KLF6: variants seen among roughly 807,000 people sequenced by gnomAD.
The protein encoded by KLF6 is KLF transcription factor 6.
For missense variants in KLF6, 233 were observed against 359.8 expected, an observed-to-expected ratio of 0.65 and a Z score of 2.85; for synonymous variants, 152 against 147.9, an observed-to-expected ratio of 1.03 and a Z score of -0.20.
Position 3,777,628 on chromosome 10 carries a change from G to T in KLF6, c.*1911C>A, listed in dbSNP as rs1417670897. 9 of 498,496 alleles carry T rather than the reference G, an allele frequency of 1.8e-5. No homozygotes were observed. The highest frequency in any genetic ancestry group is 1.2e-4 in the South Asian group (8 of 64,744). 30.9% of individuals were successfully genotyped at this position (498,496 alleles called of 1,614,324 possible). A position where few individuals can be genotyped will look rare whatever the true frequency, so the allele number is the denominator to read the frequency against. On this transcript the variant is annotated 3_prime_UTR_variant, in exon 4 of 4. Transcript: ENST00000497571. ...AATTAAAGATAAAGCCTCTATAAAA[G>T]TTAGGTTATGGTTTTCATTTTTACC...
rs1832478691 is a variant in KLF6, at chr10:3,779,682, GCCTAA to G, written c.801-97_801-93del. 4.3e-6 allele frequency: 5 copies of G among 1,159,336 alleles called. 1 individual carries two copies. The highest frequency in any genetic ancestry group is 6.4e-6 in the Non-Finnish European group (5 of 777,022). The allele number at this position is 1,159,336 out of a possible 1,614,324, so 71.8% of individuals were successfully genotyped here. On this transcript the variant is annotated intron_variant, in intron 3 of 3. Coordinates refer to ENST00000497571, the MANE Select transcript of KLF6 (RefSeq NM_001300.6). ...CGCCCTCACCTCCCTGCCCTGCCCA[GCCTAA>G]CCCCCTGCAGGGAAAGGTGGGATTC... is the stretch of plus-strand genomic sequence containing the variant.
chr10:3,781,535 C>T lies in KLF6; in HGVS notation c.676+106G>A, dbSNP rs539379766. 1.4e-4 allele frequency: 222 copies of T among 1,560,402 alleles called. No homozygotes were observed. In the African/African-American group the frequency reaches 2.6e-3, roughly 18 times the overall value. ...AACATCTGAGGAAGTGAGGATTTGT[C>T]TGCCCTGACCACATCCTGTGCAGCC... On this transcript the variant is annotated intron_variant, in intron 2 of 3. Transcript: ENST00000497571. This position sits in a 1 kb window ranked among gnomAD's most constrained non-coding sequence, Gnocchi z 5.8.
chr10:3,781,011 T>G lies in KLF6; in HGVS notation c.676+630A>C. 6.2e-6 allele frequency: 1 copy of G among 160,460 alleles called. No individual in the cohort carries two copies. The highest frequency in any genetic ancestry group is 1.4e-5 in the Non-Finnish European group (1 of 72,530). The allele number at this position is 160,460 out of a possible 1,614,324, so 9.9% of individuals were successfully genotyped here. A position where few individuals can be genotyped will look rare whatever the true frequency, so the allele number is the denominator to read the frequency against. ...CTTCCCAGTTCTAAATGTTCTGTGA[T>G]TCCTCACCAATTATCCTAGAACATG... On this transcript the variant is annotated intron_variant, in intron 2 of 3. Coordinates refer to ENST00000497571, the MANE Select transcript of KLF6 (RefSeq NM_001300.6). The surrounding 1 kb of genome is among the most constrained non-coding windows in gnomAD (Gnocchi z 5.8).
Position 3,784,977 on chromosome 10 carries a change from A to G in KLF6, c.38T>C (p.Leu13Pro). 1 of 1,607,166 alleles carries G rather than the reference A, an allele frequency of 6.2e-7. No individual in the cohort carries two copies. The highest frequency in any genetic ancestry group is 8.5e-7 in the Non-Finnish European group (1 of 1,175,836). ...GTAGCCGGTCTCGTGCACGATCTGG[A>G]GCTCCTGGAAGATGCTGCACATGGG... Reference protein sequence around the residue: ...VLPMCSIFQELQIVHETGYFS... With the variant: ...VLPMCSIFQEPQIVHETGYFS... Residue 13 changes from leucine (L) to proline (P), a missense_variant, in exon 1 of 4, where the codon CTC becomes CCC. By Grantham distance (98) the Leu-to-Pro change is moderately conservative. Coordinates refer to ENST00000497571, the MANE Select transcript of KLF6 (RefSeq NM_001300.6).
Position 3,776,287 on chromosome 10 carries a change from C to T in KLF6, c.*3252G>A. ...AATGGAAGATCAAACCGGCATGGTT[C>T]CCTACTGTGCCCACAGCCGGGGGGT... On this transcript the variant is annotated 3_prime_UTR_variant, in exon 4 of 4. Coordinates refer to ENST00000497571, the MANE Select transcript of KLF6 (RefSeq NM_001300.6). 1.9e-6 allele frequency: 1 copy of T among 533,086 alleles called. No individual in the cohort carries two copies. The highest frequency in any genetic ancestry group is 1.5e-5 in the South Asian group (1 of 65,168). 33.0% of individuals were successfully genotyped at this position (533,086 alleles called of 1,614,324 possible).
At position 3,777,078 on chromosome 10, in the gene KLF6, C is replaced by T. The variant is rs1936333334; in HGVS notation, c.*2461G>A. The T allele has an allele frequency of 1.9e-6, 1 of 515,644 alleles. No individual in the cohort carries two copies. Among genetic ancestry groups the T allele is most frequent in the African/African-American group, 1.9e-5 (1 of 52,862 alleles). The allele number at this position is 515,644 out of a possible 1,614,324, so 31.9% of individuals were successfully genotyped here. A position where few individuals can be genotyped will look rare whatever the true frequency, so the allele number is the denominator to read the frequency against. ...GCCAAAAGAAAACTGCACTTCCCCT[C>T]TTAAGTAAAACGAAATGAGTTTCTT... On this transcript the variant is annotated 3_prime_UTR_variant, in exon 4 of 4. Transcript: ENST00000497571.
rs369454966 is a variant in KLF6, at chr10:3,781,891, G to A, written c.426C>T (p.Ser142=). 129 of 1,614,116 alleles carry A rather than the reference G, an allele frequency of 8.0e-5. No homozygotes were observed. Among genetic ancestry groups the A allele is most frequent in the Non-Finnish European group, 1.0e-4 (122 of 1,180,048 alleles). Reference sequence around the variant, plus strand: ...AAGATGGAGGCGTGGAGGTGACAGAGGAGCTCAATTTTCCCGAGCTGACCA... The same window carrying A: ...AAGATGGAGGCGTGGAGGTGACAGAAGAGCTCAATTTTCCCGAGCTGACCA... The part of the protein sequence containing the change: ...EVLVSSGKLS[S]SVTSTPPSSP... The change falls in exon 2 of 4, where the codon TCC becomes TCT. Residue 142 remains serine, a synonymous_variant. Transcript: ENST00000497571. This position sits in a 1 kb window ranked among gnomAD's most constrained non-coding sequence, Gnocchi z 5.8.
Position 3,779,133 on chromosome 10 carries a change from T to C in KLF6, c.*406A>G. 1.9e-6 allele frequency: 1 copy of C among 538,916 alleles called. No individual in the cohort carries two copies. Among genetic ancestry groups the C allele is most frequent in the South Asian group, 1.5e-5 (1 of 65,202 alleles). The allele number at this position is 538,916 out of a possible 1,614,324, so 33.4% of individuals were successfully genotyped here. A position where few individuals can be genotyped will look rare whatever the true frequency, so the allele number is the denominator to read the frequency against. The stretch of plus-strand genomic sequence containing the variant: ...GTCATCTCATCTCATGGTATACTCC[T>C]TACACACAAAACATTCAAACTACTT... On this transcript the variant is annotated 3_prime_UTR_variant, in exon 4 of 4. Transcript: ENST00000497571.
intron 1 of KLF6, among the ~76,000 whole-genome samples, chr10:3,783,474 T>A (rs2131100518): frequency 6.6e-6 from 1 of 152,256 alleles, no homozygotes. Context: ...GAGCGCAGCC[T>A]ACCCCAGGGG....
In KLF6 at chr10:3,776,715, A is replaced by G. The variant is rs1354936256; in HGVS notation, c.*2824T>C. ...ACAGGGTGCTTCCAAAAAAAAAAAA[A>G]AAAGAAATTTCACTAATAGAAATTT... On this transcript the variant is annotated 3_prime_UTR_variant, in exon 4 of 4. Coordinates refer to ENST00000497571, the MANE Select transcript of KLF6 (RefSeq NM_001300.6). 8 of 482,596 alleles carry G rather than the reference A, an allele frequency of 1.7e-5. No individual in the cohort carries two copies. Among genetic ancestry groups the G allele is most frequent in the East Asian group, 4.3e-5 (1 of 23,074 alleles). The allele number at this position is 482,596 out of a possible 1,614,324, so 29.9% of individuals were successfully genotyped here.
chr10:3,780,991 C>G lies in KLF6; in HGVS notation c.676+650G>C, dbSNP rs1185357697. ...ATCACGTGATCACTAAGACCCTTCC[C>G]AGTTCTAAATGTTCTGTGATTCCTC... On this transcript the variant is annotated intron_variant, in intron 2 of 3. Coordinates refer to ENST00000497571, the MANE Select transcript of KLF6 (RefSeq NM_001300.6). This position sits in a 1 kb window ranked among gnomAD's most constrained non-coding sequence, Gnocchi z 4.6. 6.2e-6 allele frequency: 1 copy of G among 161,236 alleles called. No individual in the cohort carries two copies. Among genetic ancestry groups the G allele is most frequent in the African/African-American group, 2.4e-5 (1 of 41,516 alleles). 10.0% of individuals were successfully genotyped at this position (161,236 alleles called of 1,614,324 possible).
At position 3,776,934 on chromosome 10, in the gene KLF6, T is replaced by TCC; in HGVS notation, c.*2604_*2605insGG. The TCC allele has an allele frequency of 4.8e-6, 2 of 412,898 alleles. No individual in the cohort carries two copies. The highest frequency in any genetic ancestry group is 9.4e-6 in the Non-Finnish European group (2 of 213,210). 25.6% of individuals were successfully genotyped at this position (412,898 alleles called of 1,614,324 possible). ...GCCAGTGCAAGTTTTTTTTTTTCCT[T>TCC]TTTTTTTTTTTGTCTTTTGCTTACC... On this transcript the variant is annotated 3_prime_UTR_variant, in exon 4 of 4. Transcript: ENST00000497571.
intron 1 of KLF6, among the ~76,000 whole-genome samples, chr10:3,784,601 CAAAA>C (rs140187751): frequency 1.3e-5 from 2 of 148,372 alleles, no homozygotes; most frequent in Non-Finnish European, 3.0e-5. Flanking sequence ...AACAAACAAA[CAAAA>C]AAAAAACACC....
chr10:3,785,096 G>A lies in KLF6; in HGVS notation c.-82C>T, dbSNP rs749491216. 4 of 1,593,328 alleles carry A rather than the reference G, an allele frequency of 2.5e-6. No individual in the cohort carries two copies. The African/African-American group carries it at 4.0e-5, about 16-fold the overall frequency. ...AGCCGGAGCCGAAAGTCTCCCCGGAGCGCAGGTGAAAGTTTCATGCAAACT... is the reference window on the plus strand; with the variant it reads ...AGCCGGAGCCGAAAGTCTCCCCGGAACGCAGGTGAAAGTTTCATGCAAACT... On this transcript the variant is annotated 5_prime_UTR_variant, in exon 1 of 4. Coordinates refer to ENST00000497571, the MANE Select transcript of KLF6 (RefSeq NM_001300.6).
At chr10:3,784,142 T>A (rs1832594920) in intron 1 of KLF6, among the ~76,000 whole-genome samples, 1 of 152,120 alleles carries the variant, frequency 6.6e-6, no homozygotes, top group African/African-American at 2.4e-5. Flanking sequence ...GGAGAGACAA[T>A]GGGAGGAGTG....
At position 3,781,232 on chromosome 10, in the gene KLF6, A is replaced by T; in HGVS notation, c.676+409T>A. On this transcript the variant is annotated intron_variant, in intron 2 of 3. Transcript: ENST00000497571. The surrounding 1 kb of genome is among the most constrained non-coding windows in gnomAD (Gnocchi z 5.8). The stretch of plus-strand genomic sequence containing the variant: ...CGTCAGCATCAAACCCACACACTCC[A>T]CGCTGCCCAGCAACCCTCTGTCCTG... 1 of 501,778 alleles carries T rather than the reference A, an allele frequency of 2.0e-6. No homozygotes were observed. The highest frequency in any genetic ancestry group is 3.4e-6 in the Non-Finnish European group (1 of 291,852). The allele number at this position is 501,778 out of a possible 1,614,324, so 31.1% of individuals were successfully genotyped here.
rs372352979 is a variant in KLF6 at position 3,782,251 on chromosome 10, A to C, written c.103-37T>G. ...GAACCAGAGAAGGCACGTGATTGCC[A>C]TGACGACCAAAAGTAAAAGCAAAAG... On this transcript the variant is annotated intron_variant, in intron 1 of 3. Transcript: ENST00000497571. The surrounding 1 kb of genome is among the most constrained non-coding windows in gnomAD (Gnocchi z 4.3). 3.9e-6 allele frequency: 6 copies of C among 1,550,500 alleles called. No individual in the cohort carries two copies. The highest frequency in any genetic ancestry group is 5.3e-6 in the Non-Finnish European group (6 of 1,134,592).
rs112833545 is a variant in KLF6 at position 3,781,369 on chromosome 10, T to A, written c.676+272A>T. ...CCCAGCACTACTAAGGGGTGGGGGG[T>A]GGAGGTTTGGGTGTCCGTGGAGAAA... On this transcript the variant is annotated intron_variant, in intron 2 of 3. Transcript: ENST00000497571. The surrounding 1 kb of genome is among the most constrained non-coding windows in gnomAD (Gnocchi z 5.8). The A allele has an allele frequency of 1.6e-4, 227 of 1,423,326 alleles. No homozygotes were observed. The African/African-American group carries it at 2.8e-3, about 17-fold the overall frequency. The allele number at this position is 1,423,326 out of a possible 1,614,324, so 88.2% of individuals were successfully genotyped here. A position where few individuals can be genotyped will look rare whatever the true frequency, so the allele number is the denominator to read the frequency against.
rs1011213077 is a variant in KLF6, at chr10:3,782,691, C to T, written c.103-477G>A. Among the ~76,000 whole-genome samples, 2 of 152,234 alleles carry T rather than the reference C, an allele frequency of 1.3e-5. No individual in the cohort carries two copies. The highest frequency in any genetic ancestry group is 2.4e-5 in the African/African-American group (1 of 41,462). On this transcript the variant is annotated intron_variant, in intron 1 of 3. Transcript: ENST00000497571. This position sits in a 1 kb window ranked among gnomAD's most constrained non-coding sequence, Gnocchi z 4.3. ...ACCCACACAGGACAGAAAGACTGCA[C>T]GGCACACAGCGTGTTCTGAGGGACC...
Sources: allele counts gnomAD v4.1 joint callset (sites outside exome capture counted in the v4.1 genomes callset), GRCh38; gene constraint gnomAD v4.1.1; non-coding constraint Gnocchi (gnomAD v3.1); transcripts MANE v1.5; gene names NCBI Gene and HGNC (gene_info 2026-07-23, HGNC 2026-07-21).